The following FNDC3B variants were observed in gnomAD, a reference collection of about 807,000 sequenced individuals.
FNDC3B encodes the protein fibronectin type III domain-containing protein 3B.
Under a neutral mutation model 151.5 loss-of-function variants are expected in FNDC3B, and 12 were observed. That is an observed-to-expected ratio of 0.08 (90% confidence interval 0.05 to 0.13). The LOEUF (loss-of-function observed/expected upper bound fraction) is 0.13. Ranked by LOEUF, FNDC3B falls within the 10% of genes least tolerant of loss-of-function variation. FNDC3B has a pLI of 1.00. For synonymous variants in FNDC3B, 528 were observed against 549.0 expected, an observed-to-expected ratio of 0.96 and a Z score of 0.54; for missense variants, 1,214 against 1,505.3, an observed-to-expected ratio of 0.81 and a Z score of 3.20.
At chr3:172,084,094 A>G (rs1467493551) in intron 1 of FNDC3B, among the ~76,000 whole-genome samples, 1 of 152,096 alleles carries the variant, frequency 6.6e-6, no homozygotes, top group African/African-American at 2.4e-5. Flanking sequence ...TGGAAGGGAA[A>G]CGTTAATGAT....
At chr3:172,138,143 C>T (rs1322673427) in intron 3 of FNDC3B, among the ~76,000 whole-genome samples, 1 of 152,230 alleles carries the variant, frequency 6.6e-6, no homozygotes, top group African/African-American at 2.4e-5. Context: ...CCTCTTTCTT[C>T]CAAGAGCTCT....
At chr3:172,295,638 T>G in intron 8 of FNDC3B, 124 bp downstream of exon 8, 1 of 777,272 alleles carries the variant, frequency 1.3e-6, no homozygotes, top group Non-Finnish European at 2.0e-6. Flanking sequence ...ATTTTAAGAT[T>G]TAGTAATAAT....
chr3:172,053,576 C>T (rs573568805), intron 1 of FNDC3B, among the ~76,000 whole-genome samples: 129 of 152,164 alleles, frequency 8.5e-4, no homozygotes, highest in African/African-American at 3.1e-3. Flanking sequence ...GTTTGAGACA[C>T]ACCTGACCAA....
Position 172,056,900 on chromosome 3 carries a change from G to A in FNDC3B, c.-29+17129G>A, listed in dbSNP as rs1039197238. Among the ~76,000 whole-genome samples, 8 of 152,178 alleles carry A rather than the reference G, an allele frequency of 5.3e-5. No individual in the cohort carries two copies. In the East Asian group the frequency reaches 5.8e-4, roughly 11 times the overall value. ...CCAGCTCATCCTTAATGTCATACTCGAGCTGTTTATCTTAGTGAGGTAGTG... is the reference window on the plus strand; with the variant it reads ...CCAGCTCATCCTTAATGTCATACTCAAGCTGTTTATCTTAGTGAGGTAGTG... On this transcript the variant is annotated intron_variant, in intron 1 of 25. Coordinates refer to ENST00000415807, the MANE Select transcript of FNDC3B (RefSeq NM_022763.4).
At chr3:172,338,443 T>C (rs1162036207) in intron 16 of FNDC3B, 1 of 152,052 alleles carries the variant, frequency 6.6e-6, no homozygotes, top group African/African-American at 2.4e-5. Flanking sequence ...CAGTATATAG[T>C]ATTGTGGGCT....
chr3:172,338,659 T>A (rs1733117328), intron 16 of FNDC3B, among the ~76,000 whole-genome samples: 1 of 152,252 alleles, frequency 6.6e-6, no homozygotes, highest in South Asian at 2.1e-4. Context: ...AAAAGTATAG[T>A]CTTCAAAACT....
Position 172,352,718 on chromosome 3 carries a change from G to T in FNDC3B, c.2515-85G>T, listed in dbSNP as rs1733915374. On this transcript the variant is annotated intron_variant, in intron 21 of 25. Transcript: ENST00000415807. This position sits in a 1 kb window ranked among gnomAD's most constrained non-coding sequence, Gnocchi z 4.2. Reference sequence around the variant, plus strand: ...ATATGTGGAAATGTGTACTACTTTAGATTTATTTAATGGCAGCTAACTCAG... The same window carrying T: ...ATATGTGGAAATGTGTACTACTTTATATTTATTTAATGGCAGCTAACTCAG... The T allele has an allele frequency of 7.3e-7, 1 of 1,366,428 alleles. No individual in the cohort carries two copies. The highest frequency in any genetic ancestry group is 1.0e-6 in the Non-Finnish European group (1 of 1,000,038). The allele number at this position is 1,366,428 out of a possible 1,614,324, so 84.6% of individuals were successfully genotyped here. A position where few individuals can be genotyped will look rare whatever the true frequency, so the allele number is the denominator to read the frequency against.
intron 3 of FNDC3B, among the ~76,000 whole-genome samples, chr3:172,201,601 C>T (rs1486788456): frequency 6.6e-6 from 1 of 152,114 alleles, no homozygotes; most frequent in Non-Finnish European, 1.5e-5. Flanking sequence ...ATGGGAATCT[C>T]CTGGTGGGTA....
chr3:172,326,235 A>T lies in FNDC3B; in HGVS notation c.1255-2717A>T, dbSNP rs1302184699. On this transcript the variant is annotated intron_variant, in intron 11 of 25. Transcript: ENST00000415807. ...ACCTACTTTCCCTTGTTTTTGTTTT[A>T]TTCTCAATGACTTCTAAAAATTCAT... 6.9e-4 allele frequency among the ~76,000 whole-genome samples: 105 copies of T among 152,114 alleles called. 1 individual carries two copies. The highest frequency in any genetic ancestry group is 4.4e-5 in the Non-Finnish European group (3 of 67,988).
intron 6 of FNDC3B, among the ~76,000 whole-genome samples, chr3:172,278,942 CA>C (rs1017798918): frequency 6.6e-6 from 1 of 151,386 alleles, no homozygotes; most frequent in Non-Finnish European, 1.5e-5. Context: ...CAAAACAAAA[CA>C]AAAAAAACAC....
Position 172,295,342 on chromosome 3 carries a change from TC to T in FNDC3B, c.850-18del, listed in dbSNP as rs1273441168. 1 of 1,597,762 alleles carries T rather than the reference TC, an allele frequency of 6.3e-7. No homozygotes were observed. The highest frequency in any genetic ancestry group is 8.5e-7 in the Non-Finnish European group (1 of 1,174,328). On this transcript the variant is annotated intron_variant, in intron 7 of 25. Transcript: ENST00000415807. ...TGTAAAATGGATTTGAATACTTTTG[TC>T]CCATGTTTTTCTTCCTCAGGTTTCT...
intron 4 of FNDC3B, among the ~76,000 whole-genome samples, chr3:172,235,625 C>T (rs1727116061): frequency 6.6e-6 from 1 of 152,118 alleles, no homozygotes; most frequent in African/African-American, 2.4e-5. Context: ...TGGGCTCTAC[C>T]CTGTACAGCT....
At position 172,039,626 on chromosome 3, in the gene FNDC3B, C is replaced by T. The variant is rs112917114; in HGVS notation, c.-174C>T. 1 of 160,856 alleles carries T rather than the reference C, an allele frequency of 6.2e-6. No individual in the cohort carries two copies. The highest frequency in any genetic ancestry group is 1.3e-5 in the Non-Finnish European group (1 of 74,654). The allele number at this position is 160,856 out of a possible 1,614,324, so 10.0% of individuals were successfully genotyped here. A position where few individuals can be genotyped will look rare whatever the true frequency, so the allele number is the denominator to read the frequency against. ...CAAACCCTCCTGGTAGTTATTTGAG[C>T]GGCGGCGGCGGCGGCTGGAGGAGGA... On this transcript the variant is annotated 5_prime_UTR_variant, in exon 1 of 26. Coordinates refer to ENST00000415807, the MANE Select transcript of FNDC3B (RefSeq NM_022763.4).
At chr3:172,342,069 G>A (rs1733351681) in intron 17 of FNDC3B, among the ~76,000 whole-genome samples, 1 of 152,190 alleles carries the variant, frequency 6.6e-6, no homozygotes, top group African/African-American at 2.4e-5. Flanking sequence ...ACAGCCCTGT[G>A]CTGGGTTGAC....
At chr3:172,251,172 T>A in intron 5 of FNDC3B, 88 bp from the exon 6 acceptor site, 2 of 1,057,860 alleles carry the variant, frequency 1.9e-6, no homozygotes, top group East Asian at 2.6e-5. Context: ...ACTTTAGACT[T>A]CTTCAGGAGC....
intron 11 of FNDC3B, among the ~76,000 whole-genome samples, chr3:172,326,044 T>A (rs1219190995): frequency 6.6e-6 from 1 of 152,202 alleles, no homozygotes; most frequent in Non-Finnish European, 1.5e-5. Flanking sequence ...CAGGCTGGTT[T>A]CGAACTCCTG....
At chr3:172,277,260 C>T (rs976463293) in intron 6 of FNDC3B, among the ~76,000 whole-genome samples, 5 of 152,116 alleles carry the variant, frequency 3.3e-5, no homozygotes, top group Admixed American at 1.3e-4. Flanking sequence ...ATTATAGCAG[C>T]CTGAGCTATA....
intron 1 of FNDC3B, among the ~76,000 whole-genome samples, chr3:172,086,630 C>T (rs1437059071): frequency 6.6e-6 from 1 of 152,100 alleles, no homozygotes; most frequent in East Asian, 1.9e-4. Context: ...TTCTTATTTT[C>T]ATATAATCTT....
At chr3:172,109,291 A>G (rs866767696) in intron 1 of FNDC3B, among the ~76,000 whole-genome samples, 67 of 150,390 alleles carry the variant, frequency 4.5e-4, no homozygotes, top group African/African-American at 1.4e-3. Context: ...TCAGCCTCCC[A>G]AGTAGCTGGG....
Sources: allele counts gnomAD v4.1 joint callset (sites outside exome capture counted in the v4.1 genomes callset), GRCh38; gene constraint gnomAD v4.1.1; non-coding constraint Gnocchi (gnomAD v3.1); transcripts MANE v1.5; gene names NCBI Gene and HGNC (gene_info 2026-07-23, HGNC 2026-07-21).